The following DCPS variants were observed in gnomAD, a reference collection of about 807,000 sequenced individuals.
DCPS encodes decapping enzyme, scavenger.
Under a neutral mutation model 34.7 loss-of-function variants are expected in DCPS, and 27 were observed. The observed-to-expected ratio is 0.78, with a 90% CI of 0.57 to 1.07. DCPS has a LOEUF of 1.07. DCPS is among the 50% of genes least tolerant of loss of function. DCPS has a pLI of 0.00. For missense variants in DCPS, 464 were observed against 436.9 expected (o/e 1.06, Z -0.55); for synonymous variants, 185 against 185.7 (o/e 1.00, Z 0.03).
At chr11:126,330,192 A>G (rs903410478) in intron 2 of DCPS, among the ~76,000 whole-genome samples, 2 of 142,156 alleles carry the variant, frequency 1.4e-5, no homozygotes, top group African/African-American at 2.6e-5. Flanking sequence ...TTTTCCTTTC[A>G]GGGGACACAT....
At chr11:126,317,560 T>G in intron 2 of DCPS, among the ~76,000 whole-genome samples, 1 of 152,230 alleles carries the variant, frequency 6.6e-6, no homozygotes, top group East Asian at 1.9e-4. Context: ...TTTCTTTCAA[T>G]GGCTGCTGAT....
In DCPS at chr11:126,334,256, G is replaced by C. The variant is rs1951813655; in HGVS notation, c.522+2706G>C. ...GTTTGCATGGAAGACAGTGAGTTCA[G>C]TTTGGAATTCATTGAGCACTTACTA... is the stretch of plus-strand genomic sequence containing the variant. On this transcript the variant is annotated intron_variant, in intron 3 of 5. Transcript: ENST00000263579. This position sits in a 1 kb window ranked among gnomAD's most constrained non-coding sequence, Gnocchi z 5.5. Among the ~76,000 whole-genome samples the C allele has an allele frequency of 6.6e-6, 1 of 152,180 alleles. No individual in the cohort carries two copies. The highest frequency in any genetic ancestry group is 2.4e-5 in the African/African-American group (1 of 41,444).
At position 126,327,665 on chromosome 11, in the gene DCPS, C is replaced by T. The variant is rs1352078530; in HGVS notation, c.377-3740C>T. Among the ~76,000 whole-genome samples, 3 of 152,032 alleles carry T rather than the reference C, an allele frequency of 2.0e-5. No homozygotes were observed. Among genetic ancestry groups the T allele is most frequent in the Admixed American group, 6.6e-5 (1 of 15,258 alleles). Reference sequence around the variant, plus strand: ...GCGTTCATTGTTTTTTGGCTGCCATCGTAAACCTTAGCATTAGGAAATATA... The same window carrying T: ...GCGTTCATTGTTTTTTGGCTGCCATTGTAAACCTTAGCATTAGGAAATATA... On this transcript the variant is annotated intron_variant, in intron 2 of 5. Coordinates refer to ENST00000263579, the MANE Select transcript of DCPS (RefSeq NM_014026.6). The surrounding 1 kb of genome is among the most constrained non-coding windows in gnomAD (Gnocchi z 4.1).
intron 4 of DCPS, among the ~76,000 whole-genome samples, chr11:126,339,071 A>C (rs1951857108): frequency 6.6e-6 from 1 of 152,232 alleles, no homozygotes; most frequent in African/African-American, 2.4e-5. Flanking sequence ...TATACCTGAG[A>C]GTATCAGAAG....
Position 126,334,017 on chromosome 11 carries a change from C to T in DCPS, c.522+2467C>T, listed in dbSNP as rs1951812132. 6.6e-6 allele frequency among the ~76,000 whole-genome samples: 1 copy of T among 152,072 alleles called. No individual in the cohort carries two copies. Among genetic ancestry groups the T allele is most frequent in the Admixed American group, 6.6e-5 (1 of 15,252 alleles). On this transcript the variant is annotated intron_variant, in intron 3 of 5. Coordinates refer to ENST00000263579, the MANE Select transcript of DCPS (RefSeq NM_014026.6). This position sits in a 1 kb window ranked among gnomAD's most constrained non-coding sequence, Gnocchi z 5.5. ...AATTAATTGGTGGAGTGGGGGTGAG[C>T]ATAGAACAGGAAGACTGGGAAAAAC...
chr11:126,324,205 T>C (rs1951725535), intron 2 of DCPS, among the ~76,000 whole-genome samples: 1 of 152,184 alleles, frequency 6.6e-6, no homozygotes, highest in South Asian at 2.1e-4. Context: ...TAGTATAATG[T>C]TTAAATTTTA....
rs1403653520 is a variant in DCPS at position 126,331,561 on chromosome 11, GC to G, written c.522+12del. On this transcript the variant is annotated intron_variant, in intron 3 of 5. Transcript: ENST00000263579. The surrounding 1 kb of genome is among the most constrained non-coding windows in gnomAD (Gnocchi z 7.2). Reference sequence around the variant, plus strand: ...AGCCTCAGCATCCAGGTGACTGGCTGCATGTCTCAGACGCAGAGCACTGCTC... The same window carrying G: ...AGCCTCAGCATCCAGGTGACTGGCTGATGTCTCAGACGCAGAGCACTGCTC... 6.2e-7 allele frequency: 1 copy of G among 1,613,498 alleles called. No individual in the cohort carries two copies. Among genetic ancestry groups the G allele is most frequent in the South Asian group, 1.1e-5 (1 of 91,028 alleles).
In DCPS at chr11:126,319,872, C is replaced by T. The variant is rs1014845604; in HGVS notation, c.377-11533C>T. ...GCTGTGTGTCCTTGGGCAAATTACT[C>T]AACATCTCTGGGGCTCAGTTTTAAG... On this transcript the variant is annotated intron_variant, in intron 2 of 5. Transcript: ENST00000263579. This position sits in a 1 kb window ranked among gnomAD's most constrained non-coding sequence, Gnocchi z 4.5. 2.0e-5 allele frequency among the ~76,000 whole-genome samples: 3 copies of T among 152,146 alleles called. No homozygotes were observed. Among genetic ancestry groups the T allele is most frequent in the Non-Finnish European group, 4.4e-5 (3 of 68,018 alleles).
rs1048190876 is a variant in DCPS at position 126,337,951 on chromosome 11, A to G, written c.523-335A>G. 9 of 301,390 alleles carry G rather than the reference A, an allele frequency of 3.0e-5. No homozygotes were observed. The highest frequency in any genetic ancestry group is 5.1e-5 in the Non-Finnish European group (8 of 155,684). 18.7% of individuals were successfully genotyped at this position (301,390 alleles called of 1,614,324 possible). On this transcript the variant is annotated intron_variant, in intron 3 of 5. Coordinates refer to ENST00000263579, the MANE Select transcript of DCPS (RefSeq NM_014026.6). This position sits in a 1 kb window ranked among gnomAD's most constrained non-coding sequence, Gnocchi z 5.3. ...GTGAGCGGTGGAGGGGGTCACTGCT[A>G]TAGAGGGCAGACACAGCCTGGGTTT...
chr11:126,323,513 A>G lies in DCPS; in HGVS notation c.377-7892A>G, dbSNP rs921970084. On this transcript the variant is annotated intron_variant, in intron 2 of 5. Transcript: ENST00000263579. The surrounding 1 kb of genome is among the most constrained non-coding windows in gnomAD (Gnocchi z 4.4). ...AAGTAAGGCATTCAAACAATTCTAA[A>G]TGTATTAAAGTTGCATTTCTTTCTT... Among the ~76,000 whole-genome samples the G allele has an allele frequency of 6.6e-6, 1 of 151,356 alleles. No homozygotes were observed. Among genetic ancestry groups the G allele is most frequent in the Admixed American group, 6.6e-5 (1 of 15,052 alleles).
rs1951853063 is a variant in DCPS at position 126,338,538 on chromosome 11, G to C, written c.636+139G>C. 1.3e-6 allele frequency: 1 copy of C among 759,660 alleles called. No homozygotes were observed. Among genetic ancestry groups the C allele is most frequent in the African/African-American group, 1.7e-5 (1 of 57,828 alleles). The allele number at this position is 759,660 out of a possible 1,614,324, so 47.1% of individuals were successfully genotyped here. A position where few individuals can be genotyped will look rare whatever the true frequency, so the allele number is the denominator to read the frequency against. On this transcript the variant is annotated intron_variant, in intron 4 of 5. Transcript: ENST00000263579. This position sits in a 1 kb window ranked among gnomAD's most constrained non-coding sequence, Gnocchi z 5.4. Reference sequence around the variant, plus strand: ...CAACAAGGGTTGGCCTGAGCTCTCTGTGGGGACTGGGTGGATACCTGTCAT... The same window carrying C: ...CAACAAGGGTTGGCCTGAGCTCTCTCTGGGGACTGGGTGGATACCTGTCAT...
In DCPS at chr11:126,344,248, C is replaced by G. The variant is rs1330906010; in HGVS notation, c.747+831C>G. On this transcript the variant is annotated intron_variant, in intron 5 of 5. Coordinates refer to ENST00000263579, the MANE Select transcript of DCPS (RefSeq NM_014026.6). This position sits in a 1 kb window ranked among gnomAD's most constrained non-coding sequence, Gnocchi z 8.1. ...CTGGAGGCAAGGCTCTGCCCATACCCAGCTTCCCCTGCTGCTGGGCCCCGA... is the reference window on the plus strand; with the variant it reads ...CTGGAGGCAAGGCTCTGCCCATACCGAGCTTCCCCTGCTGCTGGGCCCCGA... 6.6e-6 allele frequency among the ~76,000 whole-genome samples: 1 copy of G among 152,212 alleles called. No individual in the cohort carries two copies. Among genetic ancestry groups the G allele is most frequent in the African/African-American group, 2.4e-5 (1 of 41,454 alleles).
At position 126,331,671 on chromosome 11, in the gene DCPS, C is replaced by G. The variant is rs957501491; in HGVS notation, c.522+121C>G. The G allele has an allele frequency of 7.2e-6, 9 of 1,245,184 alleles. No homozygotes were observed. Among genetic ancestry groups the G allele is most frequent in the Non-Finnish European group, 9.9e-6 (9 of 911,624 alleles). The allele number at this position is 1,245,184 out of a possible 1,614,324, so 77.1% of individuals were successfully genotyped here. On this transcript the variant is annotated intron_variant, in intron 3 of 5. Coordinates refer to ENST00000263579, the MANE Select transcript of DCPS (RefSeq NM_014026.6). The surrounding 1 kb of genome is among the most constrained non-coding windows in gnomAD (Gnocchi z 7.2). ...TGTGCTGGGCGAGGGGATGGGGGTA[C>G]AGTAGAGAGCATGGCGGACAGAATC...
At position 126,328,406 on chromosome 11, in the gene DCPS, C is replaced by G. The variant is rs1033637770; in HGVS notation, c.377-2999C>G. On this transcript the variant is annotated intron_variant, in intron 2 of 5. Transcript: ENST00000263579. This position sits in a 1 kb window ranked among gnomAD's most constrained non-coding sequence, Gnocchi z 6.6. ...TGGGGAGCTCTGAGAGTCCTGCAGT[C>G]AGGTTCCCATCCCTGCAGGTGCACC... Among the ~76,000 whole-genome samples, 11 of 152,076 alleles carry G rather than the reference C, an allele frequency of 7.2e-5. No individual in the cohort carries two copies. The highest frequency in any genetic ancestry group is 1.3e-4 in the Admixed American group (2 of 15,286).
In DCPS at chr11:126,343,294, G is replaced by A; in HGVS notation, c.637-13G>A. 2 of 1,609,120 alleles carry A rather than the reference G, an allele frequency of 1.2e-6. No homozygotes were observed. The highest frequency in any genetic ancestry group is 1.7e-6 in the Non-Finnish European group (2 of 1,177,472). On this transcript the variant is annotated splice_polypyrimidine_tract_variant and intron_variant, in intron 4 of 5. Coordinates refer to ENST00000263579, the MANE Select transcript of DCPS (RefSeq NM_014026.6). Reference sequence around the variant, plus strand: ...TCCCTGCTGAGCCTGGTCTCCCCTTGCTCTCTACGCAGCTCGATGACTTGT... The same window carrying A: ...TCCCTGCTGAGCCTGGTCTCCCCTTACTCTCTACGCAGCTCGATGACTTGT...
At position 126,334,188 on chromosome 11, in the gene DCPS, G is replaced by A. The variant is rs1162740102; in HGVS notation, c.522+2638G>A. ...AGGTTGGGTGATGAGTGGATAGAAGGATAATTCATGACCCAGTATAGGGGA... is the reference window on the plus strand; with the variant it reads ...AGGTTGGGTGATGAGTGGATAGAAGAATAATTCATGACCCAGTATAGGGGA... On this transcript the variant is annotated intron_variant, in intron 3 of 5. Coordinates refer to ENST00000263579, the MANE Select transcript of DCPS (RefSeq NM_014026.6). This position sits in a 1 kb window ranked among gnomAD's most constrained non-coding sequence, Gnocchi z 5.5. Among the ~76,000 whole-genome samples, 17 of 152,120 alleles carry A rather than the reference G, an allele frequency of 1.1e-4. No individual in the cohort carries two copies. Among genetic ancestry groups the A allele is most frequent in the Non-Finnish European group, 2.4e-4 (16 of 68,030 alleles).
rs146206647 is a variant in DCPS at position 126,338,017 on chromosome 11, G to A, written c.523-269G>A. 37 of 483,024 alleles carry A rather than the reference G, an allele frequency of 7.7e-5. No individual in the cohort carries two copies. The highest frequency in any genetic ancestry group is 5.1e-4 in the African/African-American group (26 of 51,448). The allele number at this position is 483,024 out of a possible 1,614,324, so 29.9% of individuals were successfully genotyped here. The stretch of plus-strand genomic sequence containing the variant: ...GCATGTGCACTATGCTGACCAGGAA[G>A]AGCCTGGCCCCTTCCAAGCTGCAGA... On this transcript the variant is annotated intron_variant, in intron 3 of 5. Coordinates refer to ENST00000263579, the MANE Select transcript of DCPS (RefSeq NM_014026.6). This position sits in a 1 kb window ranked among gnomAD's most constrained non-coding sequence, Gnocchi z 5.4.
intron 4 of DCPS, among the ~76,000 whole-genome samples, chr11:126,339,394 C>T (rs944148450): frequency 3.9e-5 from 6 of 152,198 alleles, no homozygotes; most frequent in Non-Finnish European, 7.3e-5. Context: ...TCTGCCCCTC[C>T]GCGGGCTCGC....
At chr11:126,343,239 C>G in intron 4 of DCPS, 68 bp from the exon 5 acceptor site, 1 of 1,372,026 alleles carries the variant, frequency 7.3e-7, no homozygotes, top group African/African-American at 1.4e-5. Flanking sequence ...TACGTGAGAA[C>G]TCCAGGGTTG....
Sources: allele counts gnomAD v4.1 joint callset (sites outside exome capture counted in the v4.1 genomes callset), GRCh38; gene constraint gnomAD v4.1.1; non-coding constraint Gnocchi (gnomAD v3.1); transcripts MANE v1.5; gene names NCBI Gene and HGNC (gene_info 2026-07-23, HGNC 2026-07-21).